Variants in ADGRL2 observed in about 807,000 individuals in gnomAD.
The protein encoded by ADGRL2 is calcium-independent alpha-latrotoxin receptor 2.
Under a neutral mutation model 157.4 loss-of-function variants are expected in ADGRL2, and 44 were observed. That is an observed-to-expected ratio of 0.28 (90% CI 0.22 to 0.36). The LOEUF (loss-of-function observed/expected upper bound fraction) is 0.36. Among genes scored for constraint, ADGRL2 ranks in the 10% least tolerant of loss-of-function variants. ADGRL2 has a pLI of 1.00. For synonymous variants in ADGRL2, 585 were observed against 624.7 expected (o/e 0.94, Z 0.95); for missense variants, 1,510 against 1,768.9 (o/e 0.85, Z 2.63).
intron 1 of ADGRL2, among the ~76,000 whole-genome samples, chr1:81,353,476 A>G (rs763190576): frequency 2.1e-4 from 32 of 152,162 alleles, no homozygotes; most frequent in Non-Finnish European, 4.4e-4. Context: ...AAAGATGCAG[A>G]TTCAGGGGCT....
intron 1 of ADGRL2, among the ~76,000 whole-genome samples, chr1:81,731,086 C>G (rs1305481903): frequency 3.9e-5 from 6 of 152,178 alleles, no homozygotes. Flanking sequence ...ATTAACTAGG[C>G]TGTGTAGGCA....
chr1:81,767,715 T>C (rs578138976), intron 2 of ADGRL2, among the ~76,000 whole-genome samples: 2 of 151,362 alleles, frequency 1.3e-5, no homozygotes, highest in Non-Finnish European at 2.9e-5. Context: ...CTATGAAAAA[T>C]ACAAAAATAT....
rs750004673 is a variant in ADGRL2, at chr1:81,924,704, TG to T, written c.288-12021del. 2.0e-5 allele frequency among the ~76,000 whole-genome samples: 3 copies of T among 152,154 alleles called. No individual in the cohort carries two copies. The East Asian group carries it at 5.8e-4, about 29-fold the overall frequency. The stretch of plus-strand genomic sequence containing the variant: ...CAGGTTGAGGGGTGATTGAGGTATA[TG>T]GGAGGAGAGATCAAGTGGATTTTTC... On this transcript the variant is annotated intron_variant, in intron 3 of 23. Transcript: ENST00000686636.
intron 3 of ADGRL2, among the ~76,000 whole-genome samples, chr1:81,591,350 G>T (rs1311006487): frequency 1.3e-5 from 2 of 152,258 alleles, no homozygotes; most frequent in Middle Eastern, 3.4e-3. Context: ...CAGGAAGCTT[G>T]CTTAGGCTGA....
At chr1:81,861,514 T>C (rs541741856) in intron 2 of ADGRL2, among the ~76,000 whole-genome samples, 2 of 152,356 alleles carry the variant, frequency 1.3e-5, no homozygotes, top group East Asian at 1.9e-4. Flanking sequence ...TGCAGTGTTA[T>C]ACTAAGAGAA....
chr1:81,946,975 A>T (rs987218339), intron 6 of ADGRL2, among the ~76,000 whole-genome samples: 3 of 152,176 alleles, frequency 2.0e-5, no homozygotes, highest in African/African-American at 7.2e-5. Flanking sequence ...TTCTTAGTAC[A>T]TAACCAGAGT....
intron 1 of ADGRL2, among the ~76,000 whole-genome samples, chr1:81,431,612 A>G (rs2077322368): frequency 6.6e-6 from 1 of 152,256 alleles, no homozygotes; most frequent in African/African-American, 2.4e-5. Context: ...CACAGAGACA[A>G]ACTGGAAGCA....
chr1:81,491,814 A>C (rs1276499289), intron 2 of ADGRL2, among the ~76,000 whole-genome samples: 2 of 152,190 alleles, frequency 1.3e-5, no homozygotes, highest in Non-Finnish European at 2.9e-5. Context: ...CCCCAGATTT[A>C]TTCTATGCAA....
At chr1:81,875,395 A>G (rs1245502788) in intron 2 of ADGRL2, among the ~76,000 whole-genome samples, 1 of 152,192 alleles carries the variant, frequency 6.6e-6, no homozygotes. Flanking sequence ...CATTTAACAA[A>G]ATACAGAATT....
At chr1:81,406,719 G>A (rs966948105) in intron 1 of ADGRL2, among the ~76,000 whole-genome samples, 4 of 152,144 alleles carry the variant, frequency 2.6e-5, no homozygotes, top group African/African-American at 9.7e-5. Context: ...CCTCTCAGTA[G>A]TAGATGCCAC....
intron 15 of ADGRL2, 79 bp downstream of exon 15, chr1:81,969,466 A>T: frequency 1.1e-6 from 1 of 915,434 alleles, no homozygotes; most frequent in Non-Finnish European, 1.7e-6. Flanking sequence ...TGATACTGAT[A>T]TTAATGTTTG....
At chr1:81,398,608 T>C (rs2076697586) in intron 1 of ADGRL2, among the ~76,000 whole-genome samples, 1 of 152,216 alleles carries the variant, frequency 6.6e-6, no homozygotes, top group Admixed American at 6.5e-5. Context: ...TTTGCTTGTC[T>C]GGGAAATACT....
At chr1:81,376,732 A>G (rs1443524103) in intron 1 of ADGRL2, among the ~76,000 whole-genome samples, 4 of 152,150 alleles carry the variant, frequency 2.6e-5, no homozygotes, top group African/African-American at 9.7e-5. Context: ...ATGACAGAAG[A>G]AGATGTACAC....
At chr1:81,644,253 A>T (rs2082273787) in intron 3 of ADGRL2, among the ~76,000 whole-genome samples, 1 of 152,208 alleles carries the variant, frequency 6.6e-6, no homozygotes, top group Admixed American at 6.5e-5. Flanking sequence ...GTAAACCACA[A>T]AAGTATAAAA....
upstream of ADGRL2, among the ~76,000 whole-genome samples, chr1:81,795,962 A>G (rs1047882989): frequency 6.6e-6 from 1 of 151,710 alleles, no homozygotes; most frequent in African/African-American, 2.4e-5. Flanking sequence ...AAAGGGGATC[A>G]GGAGGTATTT....
intron 1 of ADGRL2, among the ~76,000 whole-genome samples, chr1:81,714,565 A>T (rs1425415974): frequency 6.6e-6 from 1 of 152,216 alleles, no homozygotes; most frequent in Non-Finnish European, 1.5e-5. Flanking sequence ...CATTTTTGAT[A>T]CATTTTTATA....
At chr1:81,402,325 C>T (rs2076771445) in intron 1 of ADGRL2, among the ~76,000 whole-genome samples, 1 of 152,120 alleles carries the variant, frequency 6.6e-6, no homozygotes, top group South Asian at 2.1e-4. Context: ...ATTTCACCTG[C>T]TGGGTACAGA....
intron 2 of ADGRL2, among the ~76,000 whole-genome samples, chr1:81,474,687 T>C (rs1476728353): frequency 1.3e-5 from 2 of 152,226 alleles, no homozygotes; most frequent in African/African-American, 4.8e-5. Context: ...TACATTTTCC[T>C]TGCCAATAGA....
At chr1:81,774,168 T>C (rs934474722) in intron 2 of ADGRL2, among the ~76,000 whole-genome samples, 1 of 152,214 alleles carries the variant, frequency 6.6e-6, no homozygotes, top group East Asian at 1.9e-4. Flanking sequence ...TTAAGTTATA[T>C]GTATTCACCT....
Sources: allele counts gnomAD v4.1 joint callset (sites outside exome capture counted in the v4.1 genomes callset), GRCh38; gene constraint gnomAD v4.1.1; transcripts MANE v1.5; gene names NCBI Gene and HGNC (gene_info 2026-07-23, HGNC 2026-07-21).